HTRA1: variants seen among roughly 807,000 people sequenced by gnomAD.
HTRA1 encodes the protein HtrA serine peptidase 1.
In HTRA1, 26 loss-of-function variants were observed where a neutral mutation model predicts 49.7. The ratio of observed to expected loss-of-function variants is 0.52; its 90% CI spans 0.38 to 0.73. HTRA1 has a LOEUF of 0.73. Ranked by LOEUF, HTRA1 falls within the 30% of genes least tolerant of loss-of-function variation. HTRA1 has a pLI of 0.00. For missense variants in HTRA1, 561 were observed against 667.2 expected (o/e 0.84, Z 1.75); for synonymous variants, 291 against 286.9 (o/e 1.01, Z -0.14).
In HTRA1 at chr10:122,506,096, T is replaced by TCTTACTGTCTTGGGTCCTGGAGGC. The variant is rs2097502946; in HGVS notation, c.778-592_778-591insACTGTCTTGGGTCCTGGAGGCCTT. ...GAGGAGAGACAGCCTACCTATTCGG[T>TCTTACTGTCTTGGGTCCTGGAGGC]CTTGCTGTCCCCATGCTCCATCCCT... On this transcript the variant is annotated intron_variant, in intron 3 of 8. Coordinates refer to ENST00000368984, the MANE Select transcript of HTRA1 (RefSeq NM_002775.5). This position sits in a 1 kb window ranked among gnomAD's most constrained non-coding sequence, Gnocchi z 5.2. 6.6e-6 allele frequency among the ~76,000 whole-genome samples: 1 copy of TCTTACTGTCTTGGGTCCTGGAGGC among 151,686 alleles called. No individual in the cohort carries two copies. The highest frequency in any genetic ancestry group is 2.4e-5 in the African/African-American group (1 of 41,256).
Position 122,514,152 on chromosome 10 carries a change from AC to A in HTRA1, c.1275-38del, listed in dbSNP as rs751432507. On this transcript the variant is annotated intron_variant, in intron 8 of 8. Transcript: ENST00000368984. ...TAAAGTCAGACCAGGAGGAATGGAA[AC>A]ACGAAACATTGCCATTGTGTTTCCC... 8.1e-6 allele frequency: 13 copies of A among 1,604,980 alleles called. No homozygotes were observed. The Admixed American group carries it at 2.2e-4, about 27-fold the overall frequency.
rs74578106 is a variant in HTRA1 at position 122,506,481 on chromosome 10, C to A, written c.778-210C>A. ...TGTGGCTTCAGTGTTCACTGGCTCC[C>A]GCACGGCTTGCAATGTGTGGATTAC... On this transcript the variant is annotated intron_variant, in intron 3 of 8. Coordinates refer to ENST00000368984, the MANE Select transcript of HTRA1 (RefSeq NM_002775.5). This position sits in a 1 kb window ranked among gnomAD's most constrained non-coding sequence, Gnocchi z 5.2. Among the ~76,000 whole-genome samples the A allele has an allele frequency of 6.6e-6, 1 of 152,064 alleles. No individual in the cohort carries two copies. Among genetic ancestry groups the A allele is most frequent in the Non-Finnish European group, 1.5e-5 (1 of 68,004 alleles).
At chr10:122,492,842 A>G (rs541788720) in intron 3 of HTRA1, among the ~76,000 whole-genome samples, 4 of 152,202 alleles carry the variant, frequency 2.6e-5, no homozygotes, top group African/African-American at 9.6e-5. Context: ...AGTTAGGGCA[A>G]GCAGAGGCTC....
chr10:122,465,707 T>C (rs560234575), intron 1 of HTRA1, among the ~76,000 whole-genome samples: 43 of 152,256 alleles, frequency 2.8e-4, no homozygotes, highest in Non-Finnish European at 5.3e-4. Context: ...TTGCCGTCAG[T>C]GCAGCCCTCA....
At chr10:122,476,410 A>G (rs1358933040) in intron 1 of HTRA1, among the ~76,000 whole-genome samples, 5 of 152,124 alleles carry the variant, frequency 3.3e-5, no homozygotes, top group Non-Finnish European at 5.9e-5. Flanking sequence ...ACCTGCCTCC[A>G]TCTGGGTCCT....
intron 1 of HTRA1, among the ~76,000 whole-genome samples, chr10:122,483,811 A>G (rs1448994945): frequency 6.6e-6 from 1 of 152,184 alleles, no homozygotes; most frequent in Non-Finnish European, 1.5e-5. Flanking sequence ...ATATTTCCCT[A>G]ATTACTTGAT....
chr10:122,497,654 G>A (rs746706296), intron 3 of HTRA1, among the ~76,000 whole-genome samples: 9 of 152,308 alleles, frequency 5.9e-5, no homozygotes, highest in Non-Finnish European at 1.0e-4. Flanking sequence ...GGCTGCATCC[G>A]TTACCCAGTC....
At position 122,506,883 on chromosome 10, in the gene HTRA1, A is replaced by G. The variant is rs748752114; in HGVS notation, c.970A>G (p.Asn324Asp). 4.3e-6 allele frequency: 7 copies of G among 1,613,362 alleles called. No individual in the cohort carries two copies. The Admixed American group carries it at 1.2e-4, about 27-fold the overall frequency. The part of the protein sequence containing the change: ...MDYIQTDAII[N>D]YGNSGGPLVN... ...CTACATCCAGACCGACGCCATCATC[A>G]ACGTGAGCCTCTGTCCCTCTGCGGG... The change falls in exon 4 of 9, where the codon AAC becomes GAC. Residue 324 changes from asparagine to aspartate, a missense_variant and splice_region_variant. By Grantham distance (23) the Asn-to-Asp change is conservative. Transcript: ENST00000368984. The surrounding 1 kb of genome is among the most constrained non-coding windows in gnomAD (Gnocchi z 5.2).
chr10:122,496,196 T>C (rs1439119499), intron 3 of HTRA1, among the ~76,000 whole-genome samples: 6 of 147,936 alleles, frequency 4.1e-5, no homozygotes, highest in Non-Finnish European at 8.9e-5. Context: ...GCTGATTTTG[T>C]TTGCCCTTTC....
At chr10:122,488,572 G>GA (rs1159814328) in intron 1 of HTRA1, among the ~76,000 whole-genome samples, 25 of 151,618 alleles carry the variant, frequency 1.6e-4, no homozygotes, top group African/African-American at 4.4e-4. Context: ...AAAATAAACT[G>GA]AAAAAAAACA....
In HTRA1 at chr10:122,497,016, A is replaced by G. The variant is rs996718324; in HGVS notation, c.777+7390A>G. ...TTCACAATGATACGATCACCTCTCA[A>G]TCATAGCAGCATTGATGCAGTTCCG... On this transcript the variant is annotated intron_variant, in intron 3 of 8. Coordinates refer to ENST00000368984, the MANE Select transcript of HTRA1 (RefSeq NM_002775.5). Among the ~76,000 whole-genome samples, 4 of 152,156 alleles carry G rather than the reference A, an allele frequency of 2.6e-5. No homozygotes were observed. The East Asian group carries it at 7.7e-4, about 29-fold the overall frequency.
intron 1 of HTRA1, among the ~76,000 whole-genome samples, chr10:122,467,356 C>T (rs1207642945): frequency 6.6e-6 from 1 of 152,138 alleles, no homozygotes; most frequent in Non-Finnish European, 1.5e-5. Context: ...CCTCTCGGAG[C>T]CTCGGCAGTG....
intron 1 of HTRA1, among the ~76,000 whole-genome samples, chr10:122,486,993 G>A (rs1418574127): frequency 6.6e-6 from 1 of 152,054 alleles, no homozygotes; most frequent in East Asian, 1.9e-4. Context: ...GTGTATATAT[G>A]CATGTGTGTT....
In HTRA1 at chr10:122,497,270, T is replaced by G. The variant is rs141096411; in HGVS notation, c.777+7644T>G. ...CACTGGCCTTCCCTGTGTTCCCATT[T>G]TATGTCATAAATATATATTTAATTA... On this transcript the variant is annotated intron_variant, in intron 3 of 8. Transcript: ENST00000368984. 3.0e-3 allele frequency among the ~76,000 whole-genome samples: 458 copies of G among 152,336 alleles called. 1 individual carries two copies. The highest frequency in any genetic ancestry group is 0.01 in the African/African-American group (430 of 41,568).
At chr10:122,497,246 A>G (rs1037467188) in intron 3 of HTRA1, among the ~76,000 whole-genome samples, 4 of 152,262 alleles carry the variant, frequency 2.6e-5, no homozygotes, top group African/African-American at 9.6e-5. Context: ...CACAGAAACC[A>G]CTGGCCTTCC....
chr10:122,505,751 G>T (rs2097502762), intron 3 of HTRA1, among the ~76,000 whole-genome samples: 1 of 152,200 alleles, frequency 6.6e-6, no homozygotes, highest in South Asian at 2.1e-4. Flanking sequence ...GGTCCATGTT[G>T]TTCAGGGCAG....
At chr10:122,504,836 G>C (rs1270578384) in intron 3 of HTRA1, among the ~76,000 whole-genome samples, 1 of 152,012 alleles carries the variant, frequency 6.6e-6, no homozygotes, top group Non-Finnish European at 1.5e-5. Context: ...TGTGGGAAGT[G>C]AGCATGGGGC....
chr10:122,514,127 TA>T (rs1353880953), intron 8 of HTRA1, 63 bp from the exon 9 acceptor site: 14 of 1,504,700 alleles, frequency 9.3e-6, no homozygotes, highest in Non-Finnish European at 1.2e-5. Context: ...TCTGTCCATG[TA>T]AAGTCAGACC....
At chr10:122,509,714 G>A (rs1241777430) in intron 6 of HTRA1, among the ~76,000 whole-genome samples, 2 of 152,180 alleles carry the variant, frequency 1.3e-5, no homozygotes, top group Non-Finnish European at 2.9e-5. Flanking sequence ...GGAAGTTGGG[G>A]ACCGGTTAAG....
Sources: allele counts gnomAD v4.1 joint callset (sites outside exome capture counted in the v4.1 genomes callset), GRCh38; gene constraint gnomAD v4.1.1; non-coding constraint Gnocchi (gnomAD v3.1); transcripts MANE v1.5; gene names NCBI Gene and HGNC (gene_info 2026-07-23, HGNC 2026-07-21).